Variants in SESN3 observed in about 807,000 individuals in gnomAD.
The protein encoded by SESN3 is sestrin-3.
SESN3 carries 21 observed loss-of-function variants against 55.3 expected under a neutral mutation model. That is an observed-to-expected ratio of 0.38 (90% CI 0.27 to 0.55). The LOEUF (loss-of-function observed/expected upper bound fraction) is 0.55, where lower values mean the gene tolerates loss of function less well. Among genes scored for constraint, SESN3 ranks in the 20% least tolerant of loss-of-function variants. SESN3 has a pLI of 0.76. For missense variants in SESN3, 408 were observed against 604.3 expected (o/e 0.68, Z 3.41); for synonymous variants, 181 against 203.1 (o/e 0.89, Z 0.93).
At chr11:95,213,717 T>G (rs1183620419) in intron 1 of SESN3, among the ~76,000 whole-genome samples, 2 of 152,214 alleles carry the variant, frequency 1.3e-5, no homozygotes, top group East Asian at 3.8e-4. Context: ...AATGTAATTA[T>G]GAATGACCCA....
Position 95,231,166 on chromosome 11 carries a change from T to TGCCACCGCCACCACCGCC in SESN3, c.-324_-307dup, listed in dbSNP as rs1861058157. 1 of 283,896 alleles carries TGCCACCGCCACCACCGCC rather than the reference T, an allele frequency of 3.5e-6. No individual in the cohort carries two copies. The highest frequency in any genetic ancestry group is 7.5e-5 in the Admixed American group (1 of 13,408). The allele number at this position is 283,896 out of a possible 1,614,324, so 17.6% of individuals were successfully genotyped here. On this transcript the variant is annotated 5_prime_UTR_variant, in exon 1 of 10. Transcript: ENST00000536441. ...GGCTAGGACGAGCAGCCGCCACCGC[T>TGCCACCGCCACCACCGCC]GCCACCGCCACCACCGCCGCCGCAG...
chr11:95,208,463 G>A (rs1860590383), intron 1 of SESN3, among the ~76,000 whole-genome samples: 2 of 151,414 alleles, frequency 1.3e-5, no homozygotes, highest in African/African-American at 4.9e-5. Flanking sequence ...GATCATCAGT[G>A]TGCGAAATGT....
Position 95,168,294 on chromosome 11 carries a change from T to C in SESN3, c.*4961A>G, listed in dbSNP as rs1252540706. On this transcript the variant is annotated 3_prime_UTR_variant, in exon 10 of 10. Coordinates refer to ENST00000536441, the MANE Select transcript of SESN3 (RefSeq NM_144665.4). The stretch of plus-strand genomic sequence containing the variant: ...AACTTTACATTCAAATAGCTTGGAC[T>C]AACAACAGTATTCATTCATAACCTA... 1 of 152,200 alleles carries C rather than the reference T, an allele frequency of 6.6e-6. No individual in the cohort carries two copies. The highest frequency in any genetic ancestry group is 2.1e-4 in the South Asian group (1 of 4,834). The allele number at this position is 152,200 out of a possible 1,614,324, so 9.4% of individuals were successfully genotyped here. A position where few individuals can be genotyped will look rare whatever the true frequency, so the allele number is the denominator to read the frequency against.
chr11:95,194,509 G>A (rs1860325518), intron 1 of SESN3, among the ~76,000 whole-genome samples: 1 of 152,022 alleles, frequency 6.6e-6, no homozygotes, highest in Non-Finnish European at 1.5e-5. Context: ...CTGCCCTCAT[G>A]AGCTGTACAC....
At position 95,230,986 on chromosome 11, in the gene SESN3, G is replaced by T. The variant is rs769255911; in HGVS notation, c.-126C>A. The T allele has an allele frequency of 3.6e-6, 2 of 548,958 alleles. No homozygotes were observed. Among genetic ancestry groups the T allele is most frequent in the Admixed American group, 4.3e-5 (1 of 23,100 alleles). 34.0% of individuals were successfully genotyped at this position (548,958 alleles called of 1,614,324 possible). A position where few individuals can be genotyped will look rare whatever the true frequency, so the allele number is the denominator to read the frequency against. ...TTCCGCCTCAGCCTCCTCAAGGCGGGATGTCGGGAGGAGAGGCGACTGCCT... is the reference window on the plus strand; with the variant it reads ...TTCCGCCTCAGCCTCCTCAAGGCGGTATGTCGGGAGGAGAGGCGACTGCCT... On this transcript the variant is annotated 5_prime_UTR_variant, in exon 1 of 10. Transcript: ENST00000536441. The surrounding 1 kb of genome is among the most constrained non-coding windows in gnomAD (Gnocchi z 4.6).
chr11:95,212,520 C>A (rs1408651680), intron 1 of SESN3, among the ~76,000 whole-genome samples: 1 of 152,024 alleles, frequency 6.6e-6, no homozygotes, highest in East Asian at 1.9e-4. Context: ...ACACAGTGCT[C>A]AGATTATATA....
At chr11:95,186,473 A>C (rs942398673) in intron 4 of SESN3, among the ~76,000 whole-genome samples, 3 of 151,920 alleles carry the variant, frequency 2.0e-5, no homozygotes, top group African/African-American at 7.2e-5. Context: ...TCCTATGGCC[A>C]GGGGAGATAG....
At position 95,168,776 on chromosome 11, in the gene SESN3, C is replaced by G. The variant is rs953793681; in HGVS notation, c.*4479G>C. ...AACTCAGGAAAGTAAATGCTGGTGA[C>G]TTATCAGCGGGTGGCTGGTGATGTT... On this transcript the variant is annotated 3_prime_UTR_variant, in exon 10 of 10. Coordinates refer to ENST00000536441, the MANE Select transcript of SESN3 (RefSeq NM_144665.4). 25 of 152,540 alleles carry G rather than the reference C, an allele frequency of 1.6e-4. No individual in the cohort carries two copies. Among genetic ancestry groups the G allele is most frequent in the African/African-American group, 5.8e-4 (24 of 41,536 alleles). The allele number at this position is 152,540 out of a possible 1,614,324, so 9.4% of individuals were successfully genotyped here. A position where few individuals can be genotyped will look rare whatever the true frequency, so the allele number is the denominator to read the frequency against.
intron 1 of SESN3, among the ~76,000 whole-genome samples, chr11:95,217,430 C>T (rs1267858542): frequency 6.6e-6 from 1 of 152,010 alleles, no homozygotes; most frequent in Non-Finnish European, 1.5e-5. Context: ...GTGGGTGGAT[C>T]ACTTGAGGTC....
rs1200559608 is a variant in SESN3 at position 95,172,624 on chromosome 11, T to C, written c.*631A>G. ...TTCACATTAAATTATGGGCAATAGC[T>C]GTATCACATTTCATGTTATCGCCAA... is the stretch of plus-strand genomic sequence containing the variant. On this transcript the variant is annotated 3_prime_UTR_variant, in exon 10 of 10. Transcript: ENST00000536441. 1 of 152,232 alleles carries C rather than the reference T, an allele frequency of 6.6e-6. No homozygotes were observed. The highest frequency in any genetic ancestry group is 1.5e-5 in the Non-Finnish European group (1 of 68,038). 9.4% of individuals were successfully genotyped at this position (152,232 alleles called of 1,614,324 possible). A position where few individuals can be genotyped will look rare whatever the true frequency, so the allele number is the denominator to read the frequency against.
intron 1 of SESN3, among the ~76,000 whole-genome samples, chr11:95,213,144 A>C (rs1459854049): frequency 7.3e-6 from 1 of 137,930 alleles, no homozygotes; most frequent in Admixed American, 7.5e-5. Context: ...ATAGTCCTAA[A>C]AAATAAAAAA....
intron 1 of SESN3, among the ~76,000 whole-genome samples, chr11:95,228,489 C>T (rs1314761090): frequency 2.0e-5 from 3 of 152,154 alleles, no homozygotes; most frequent in Non-Finnish European, 2.9e-5. Flanking sequence ...CTAAGAATCA[C>T]ATTTTGAGAG....
At chr11:95,187,756 T>C (rs1860192697) in intron 4 of SESN3, among the ~76,000 whole-genome samples, 1 of 151,900 alleles carries the variant, frequency 6.6e-6, no homozygotes, top group Non-Finnish European at 1.5e-5. Context: ...TGTAAACAAC[T>C]ATCCAATTTT....
rs1329957494 is a variant in SESN3 at position 95,173,172 on chromosome 11, T to C, written c.*83A>G. 2.5e-6 allele frequency: 2 copies of C among 785,224 alleles called. No individual in the cohort carries two copies. Among genetic ancestry groups the C allele is most frequent in the African/African-American group, 3.4e-5 (2 of 59,022 alleles). The allele number at this position is 785,224 out of a possible 1,614,324, so 48.6% of individuals were successfully genotyped here. On this transcript the variant is annotated 3_prime_UTR_variant, in exon 10 of 10. Transcript: ENST00000536441. The stretch of plus-strand genomic sequence containing the variant: ...TGACACTAGAGAACTGAATAATTTT[T>C]GATGCTATATCACAAATAGCTTCAA...
At chr11:95,207,127 G>A (rs1186729195) in intron 1 of SESN3, among the ~76,000 whole-genome samples, 4 of 149,626 alleles carry the variant, frequency 2.7e-5, no homozygotes, top group African/African-American at 9.9e-5. Context: ...AACACCAGAG[G>A]CCTGCACTAG....
chr11:95,203,216 T>C (rs1309259953), intron 1 of SESN3, among the ~76,000 whole-genome samples: 1 of 152,096 alleles, frequency 6.6e-6, no homozygotes, highest in Admixed American at 6.6e-5. Context: ...TTTCAGATTT[T>C]TCAAAACACA....
In SESN3 at chr11:95,184,076, T is replaced by G. The variant is rs948160585; in HGVS notation, c.937+344A>C. The G allele has an allele frequency of 1.6e-4, 52 of 324,866 alleles. No homozygotes were observed. The East Asian group carries it at 2.4e-3, about 15-fold the overall frequency. The allele number at this position is 324,866 out of a possible 1,614,324, so 20.1% of individuals were successfully genotyped here. ...AGGCAGTTTTTTTTAAAATTTTATC[T>G]ATTGAAACAATATTTCACTTATCAT... is the stretch of plus-strand genomic sequence containing the variant. On this transcript the variant is annotated intron_variant, in intron 6 of 9. Coordinates refer to ENST00000536441, the MANE Select transcript of SESN3 (RefSeq NM_144665.4).
At chr11:95,194,536 T>C (rs1013799135) in intron 1 of SESN3, among the ~76,000 whole-genome samples, 1 of 152,088 alleles carries the variant, frequency 6.6e-6, no homozygotes, top group Non-Finnish European at 1.5e-5. Context: ...TTCATCAATT[T>C]TGGGAGTTCT....
Position 95,193,445 on chromosome 11 carries a change from A to G in SESN3, c.144+12T>C. ...AATCTTACTTTTTATATTTTAAGAC[A>G]GATAAACTTACTTCCTTCTCTGGAA... On this transcript the variant is annotated intron_variant, in intron 2 of 9. Coordinates refer to ENST00000536441, the MANE Select transcript of SESN3 (RefSeq NM_144665.4). 6.9e-7 allele frequency: 1 copy of G among 1,452,108 alleles called. No homozygotes were observed. Among genetic ancestry groups the G allele is most frequent in the South Asian group, 1.2e-5 (1 of 86,536 alleles). 90.0% of individuals were successfully genotyped at this position (1,452,108 alleles called of 1,614,324 possible).
Sources: gnomAD v4.1 joint callset for allele counts (sites outside exome capture counted in the v4.1 genomes callset) on GRCh38, gnomAD v4.1.1 for gene constraint, Gnocchi (gnomAD v3.1) non-coding constraint, MANE v1.5 for transcripts, NCBI Gene and HGNC (gene_info 2026-07-23, HGNC 2026-07-21) for gene names.